The following EHF variants were observed in gnomAD, a reference collection of about 807,000 sequenced individuals.
EHF encodes ESE3 transcription factor.
A neutral mutation model predicts 45.1 loss-of-function variants in EHF; 14 were observed. The observed-to-expected ratio is 0.31, with a 90% CI of 0.21 to 0.49. The LOEUF (loss-of-function observed/expected upper bound fraction) is 0.49. Among genes scored for constraint, EHF ranks in the 20% least tolerant of loss-of-function variants. The pLI, the probability that EHF is intolerant of heterozygous loss-of-function variation, is 0.99. For missense variants in EHF, 282 were observed against 371.4 expected (o/e 0.76, Z 1.98); for synonymous variants, 136 against 131.8 (o/e 1.03, Z -0.22).
chr11:34,632,221 C>G (rs1852958834), intron 1 of EHF, among the ~76,000 whole-genome samples: 1 of 152,160 alleles, frequency 6.6e-6, no homozygotes, highest in African/African-American at 2.4e-5. Context: ...TCCTACAAAT[C>G]AATGCTTAAC....
rs562709175 is a variant in EHF at position 34,663,004 on chromosome 11, A to G, written c.*4073A>G. ...AGACTGTGTCTTATGAACCTCTGAA[A>G]CGTACAAGCCTTCACAAGTTTAACT... is the stretch of plus-strand genomic sequence containing the variant. On this transcript the variant is annotated 3_prime_UTR_variant, in exon 9 of 9. Coordinates refer to ENST00000257831, the MANE Select transcript of EHF (RefSeq NM_012153.6). 8.5e-5 allele frequency among the ~76,000 whole-genome samples: 13 copies of G among 152,196 alleles called. No individual in the cohort carries two copies. In the South Asian group the frequency reaches 2.1e-3, roughly 24 times the overall value.
At position 34,660,835 on chromosome 11, in the gene EHF, G is replaced by A. The variant is rs1050167926; in HGVS notation, c.*1904G>A. On this transcript the variant is annotated 3_prime_UTR_variant, in exon 9 of 9. Coordinates refer to ENST00000257831, the MANE Select transcript of EHF (RefSeq NM_012153.6). ...TAGAGGTGAGCAATTCATATTCAAAGGTTGCAAAGTGTTTGTAATATATTC... is the reference window on the plus strand; with the variant it reads ...TAGAGGTGAGCAATTCATATTCAAAAGTTGCAAAGTGTTTGTAATATATTC... The A allele has an allele frequency of 1.3e-5, 2 of 152,104 alleles. No homozygotes were observed. The highest frequency in any genetic ancestry group is 4.8e-5 in the African/African-American group (2 of 41,436). The allele number at this position is 152,104 out of a possible 1,614,324, so 9.4% of individuals were successfully genotyped here.
At chr11:34,634,852 A>G (rs1273744208) in intron 1 of EHF, among the ~76,000 whole-genome samples, 2 of 152,206 alleles carry the variant, frequency 1.3e-5, no homozygotes, top group Non-Finnish European at 2.9e-5. Context: ...TGGGAGTCAA[A>G]GTGAGAATGA....
At chr11:34,652,175 T>C (rs1241528625) in intron 6 of EHF, among the ~76,000 whole-genome samples, 1 of 152,224 alleles carries the variant, frequency 6.6e-6, no homozygotes, top group Admixed American at 6.5e-5. Flanking sequence ...CAAACTACAT[T>C]TGGCTTTAGA....
intron 2 of EHF, among the ~76,000 whole-genome samples, chr11:34,645,830 G>T (rs907390941): frequency 6.6e-6 from 1 of 152,214 alleles, no homozygotes; most frequent in Non-Finnish European, 1.5e-5. Context: ...AATTTCAGTG[G>T]GTGATGAGGA....
In EHF at chr11:34,626,097, C is replaced by G. The variant is rs558981258; in HGVS notation, c.-4+4869C>G. On this transcript the variant is annotated intron_variant, in intron 1 of 8. Transcript: ENST00000257831. ...CAACTTATTTTTATCTTTGTATGAC[C>G]TTGTCTCAATGTCCTTTTTCTTTGA... Among the ~76,000 whole-genome samples, 3 of 152,284 alleles carry G rather than the reference C, an allele frequency of 2.0e-5. No individual in the cohort carries two copies. In the East Asian group the frequency reaches 5.8e-4, roughly 29 times the overall value.
At chr11:34,647,035 T>A in intron 3 of EHF, 2 of 261,352 alleles carry the variant, frequency 7.7e-6, no homozygotes, top group South Asian at 1.4e-4. Flanking sequence ...AAAAAGATCA[T>A]CATGGTTACA....
rs554052259 is a variant in EHF, at chr11:34,629,357, A to G, written c.-4+8129A>G. Among the ~76,000 whole-genome samples, 8 of 152,342 alleles carry G rather than the reference A, an allele frequency of 5.3e-5. No homozygotes were observed. The East Asian group carries it at 1.5e-3, about 29-fold the overall frequency. On this transcript the variant is annotated intron_variant, in intron 1 of 8. Transcript: ENST00000257831. The stretch of plus-strand genomic sequence containing the variant: ...CGTAAACCAGTGAGCCAGGAGAAAC[A>G]GAATAAAGTCTGTTCTGGAAGGAAA...
At chr11:34,651,844 G>A (rs1237628628) in intron 6 of EHF, 39 bp downstream of exon 6, 2 of 1,569,890 alleles carry the variant, frequency 1.3e-6, no homozygotes, top group Admixed American at 1.7e-5. Flanking sequence ...TATGCCTAAT[G>A]CTTAGGGAGA....
At chr11:34,647,626 G>T (rs2134150967) in intron 3 of EHF, among the ~76,000 whole-genome samples, 1 of 152,380 alleles carries the variant, frequency 6.6e-6, no homozygotes, top group East Asian at 1.9e-4. Flanking sequence ...TAGAACCCAT[G>T]TTTGGGCAAG....
At position 34,662,630 on chromosome 11, in the gene EHF, T is replaced by A. The variant is rs1304863492; in HGVS notation, c.*3699T>A. On this transcript the variant is annotated 3_prime_UTR_variant, in exon 9 of 9. Coordinates refer to ENST00000257831, the MANE Select transcript of EHF (RefSeq NM_012153.6). The stretch of plus-strand genomic sequence containing the variant: ...AGGGATCTTTTGATAAAGTTAGTAA[T>A]GCATGTTAGATTTTAGTTTTGCAAG... Among the ~76,000 whole-genome samples the A allele has an allele frequency of 6.6e-6, 1 of 152,130 alleles. No homozygotes were observed. Among genetic ancestry groups the A allele is most frequent in the Non-Finnish European group, 1.5e-5 (1 of 68,006 alleles).
At chr11:34,627,701 C>A (rs755362915) in intron 1 of EHF, among the ~76,000 whole-genome samples, 51 of 152,232 alleles carry the variant, frequency 3.4e-4, no homozygotes, top group Middle Eastern at 3.4e-3. Flanking sequence ...GGATCCCTAA[C>A]TTGGGGTCCA....
chr11:34,624,649 A>G (rs1300305115), intron 1 of EHF, among the ~76,000 whole-genome samples: 1 of 152,218 alleles, frequency 6.6e-6, no homozygotes, highest in Admixed American at 6.5e-5. Flanking sequence ...GGTGGGACAT[A>G]GTTTCAAGCC....
intron 1 of EHF, among the ~76,000 whole-genome samples, chr11:34,621,529 G>A (rs1461957702): frequency 6.6e-6 from 1 of 152,140 alleles, no homozygotes; most frequent in Non-Finnish European, 1.5e-5. Flanking sequence ...CATTCCCCTG[G>A]GTTGAATTCT....
Position 34,633,056 on chromosome 11 carries a change from G to A in EHF, c.-3-9572G>A, listed in dbSNP as rs534469805. Reference sequence around the variant, plus strand: ...AAGGACTGAGATGGAGGTGGGATGGGGTTAGGGTGGCTTGGCCAGCCTTGA... The same window carrying A: ...AAGGACTGAGATGGAGGTGGGATGGAGTTAGGGTGGCTTGGCCAGCCTTGA... On this transcript the variant is annotated intron_variant, in intron 1 of 8. Coordinates refer to ENST00000257831, the MANE Select transcript of EHF (RefSeq NM_012153.6). Among the ~76,000 whole-genome samples the A allele has an allele frequency of 8.1e-4, 124 of 152,262 alleles. 1 individual carries two copies. Among genetic ancestry groups the A allele is most frequent in the African/African-American group, 2.8e-3 (115 of 41,562 alleles).
intron 3 of EHF, among the ~76,000 whole-genome samples, chr11:34,647,083 A>AC (rs1335937029): frequency 0.013 from 1,778 of 138,716 alleles, 48 homozygotes; most frequent in African/African-American, 0.042. Context: ...AACAAAACAA[A>AC]ACCCCCCCCA....
Position 34,659,028 on chromosome 11 carries a change from A to C in EHF, c.*97A>C. 1 of 909,340 alleles carries C rather than the reference A, an allele frequency of 1.1e-6. No homozygotes were observed. The highest frequency in any genetic ancestry group is 1.6e-6 in the Non-Finnish European group (1 of 606,788). The allele number at this position is 909,340 out of a possible 1,614,324, so 56.3% of individuals were successfully genotyped here. On this transcript the variant is annotated 3_prime_UTR_variant, in exon 9 of 9. Transcript: ENST00000257831. ...ATATTTCAAAGACTACTTTTCTCTG[A>C]TATTTATGTACCATGAGGGGAACAA...
chr11:34,621,643 C>G (rs1200525739), intron 1 of EHF, among the ~76,000 whole-genome samples: 1 of 152,122 alleles, frequency 6.6e-6, no homozygotes, highest in Non-Finnish European at 1.5e-5. Flanking sequence ...GTCTCGCTTT[C>G]TAGAGATGTC....
intron 1 of EHF, chr11:34,632,352 C>A: frequency 1.2e-6 from 1 of 811,736 alleles, no homozygotes; most frequent in South Asian, 2.2e-5. Flanking sequence ...CCCCTGCCAG[C>A]AACTGAATTA....
Sources: allele counts gnomAD v4.1 joint callset (sites outside exome capture counted in the v4.1 genomes callset), GRCh38; gene constraint gnomAD v4.1.1; transcripts MANE v1.5; gene names NCBI Gene and HGNC (gene_info 2026-07-23, HGNC 2026-07-21).